ABCB1: variants seen among roughly 807,000 people sequenced by gnomAD.
The protein encoded by ABCB1 is ATP-dependent translocase ABCB1.
Under a neutral mutation model 142.0 loss-of-function variants are expected in ABCB1, and 69 were observed. The observed-to-expected ratio is 0.49, with a 90% CI of 0.40 to 0.59. ABCB1 has a LOEUF of 0.59. Among genes scored for constraint, ABCB1 ranks in the 20% least tolerant of loss-of-function variants. The pLI is 0.00. For missense variants in ABCB1, 1,326 were observed against 1,554.7 expected, an observed-to-expected ratio of 0.85 and a Z score of 2.47; for synonymous variants, 532 against 539.2, an observed-to-expected ratio of 0.99 and a Z score of 0.18.
Position 87,679,029 on chromosome 7 carries a change from A to G in ABCB1, c.-331+34132T>C, listed in dbSNP as rs546801118. Among the ~76,000 whole-genome samples the G allele has an allele frequency of 1.4e-4, 19 of 137,746 alleles. 3 individuals are homozygous for G. The highest frequency in any genetic ancestry group is 3.4e-4 in the African/African-American group (12 of 35,012). The allele number at this position is 137,746 out of a possible 152,430, so 90.4% of individuals were successfully genotyped here. A position where few individuals can be genotyped will look rare whatever the true frequency, so the allele number is the denominator to read the frequency against. ...AGATCAAGTAAACAGAAAATTAGTA[A>G]GGGTACAAATGATCTTGGCAATATT... On this transcript the variant is annotated intron_variant, in intron 1 of 28. Transcript: ENST00000265724.
intron 1 of ABCB1, among the ~76,000 whole-genome samples, chr7:87,648,436 C>T (rs1823246009): frequency 6.6e-6 from 1 of 150,688 alleles, no homozygotes; most frequent in Non-Finnish European, 1.5e-5. Context: ...GAACACTTCA[C>T]ATTAAAGGGC....
chr7:87,615,079 C>A (rs553497475), intron 1 of ABCB1, among the ~76,000 whole-genome samples: 2 of 152,042 alleles, frequency 1.3e-5, no homozygotes, highest in Admixed American at 6.6e-5. Context: ...TCTCCTGACC[C>A]GCCCGCCTCG....
intron 1 of ABCB1, among the ~76,000 whole-genome samples, chr7:87,706,063 T>C (rs1829556584): frequency 6.6e-6 from 1 of 152,206 alleles, no homozygotes; most frequent in Admixed American, 6.5e-5. Context: ...AGATTTGGCT[T>C]TCTTAGGTTT....
At chr7:87,699,100 C>T (rs1292618423) in intron 1 of ABCB1, among the ~76,000 whole-genome samples, 2 of 152,054 alleles carry the variant, frequency 1.3e-5, no homozygotes, top group African/African-American at 4.8e-5. Context: ...GGTTTGGAAC[C>T]ACTCAGATAT....
intron 21 of ABCB1, among the ~76,000 whole-genome samples, chr7:87,530,790 A>AAAGAAAGC (rs202065141): frequency 0.05 from 5,855 of 117,762 alleles, 583 homozygotes; most frequent in East Asian, 0.076. Flanking sequence ...GAAAGAAAAG[A>AAAGAAAGC]AAGAAAGCAA....
At chr7:87,519,522 G>C (rs1225969541) in intron 22 of ABCB1, 56 bp from the exon 23 acceptor site, 2 of 1,610,070 alleles carry the variant, frequency 1.2e-6, no homozygotes, top group African/African-American at 2.7e-5. Flanking sequence ...TCCTTAAAAT[G>C]TAACTTTTGA....
At chr7:87,580,419 GA>G (rs1188361669) in intron 4 of ABCB1, among the ~76,000 whole-genome samples, 1 of 152,142 alleles carries the variant, frequency 6.6e-6, no homozygotes, top group African/African-American at 2.4e-5. Context: ...TCTGCTTCCA[GA>G]CATGTTGGAG....
At chr7:87,574,565 G>A (rs1818196616) in intron 4 of ABCB1, among the ~76,000 whole-genome samples, 1 of 152,134 alleles carries the variant, frequency 6.6e-6, no homozygotes, top group Non-Finnish European at 1.5e-5. Context: ...GCTCACTTCT[G>A]TGTAGCCCTG....
intron 3 of ABCB1, among the ~76,000 whole-genome samples, chr7:87,595,483 A>G (rs962879803): frequency 1.6e-4 from 25 of 152,106 alleles, no homozygotes; most frequent in Non-Finnish European, 3.5e-4. Context: ...GGTTTCCTCT[A>G]TGCAGATGGG....
chr7:87,574,438 T>C (rs1457092571), intron 4 of ABCB1, among the ~76,000 whole-genome samples: 1 of 152,190 alleles, frequency 6.6e-6, no homozygotes, highest in Non-Finnish European at 1.5e-5. Context: ...AATTATGTTA[T>C]ACAAAATAAA....
At chr7:87,647,734 C>T (rs568906459) in intron 1 of ABCB1, among the ~76,000 whole-genome samples, 1 of 152,252 alleles carries the variant, frequency 6.6e-6, no homozygotes, top group South Asian at 2.1e-4. Flanking sequence ...CTTTAGTCCA[C>T]AAACCATTAC....
intron 7 of ABCB1, 66 bp from the exon 8 acceptor site, chr7:87,561,453 A>T: frequency 6.9e-7 from 1 of 1,453,638 alleles, no homozygotes; most frequent in South Asian, 1.2e-5. Flanking sequence ...TAAAGTAAAA[A>T]TAAATGTATA....
chr7:87,652,621 G>GAGATATATATATATATATAT lies in ABCB1; in HGVS notation c.-330-51544_-330-51543insATATATATATATATATATCT, dbSNP rs374832268. On this transcript the variant is annotated intron_variant, in intron 1 of 28. Coordinates refer to the ABCB1 transcript ENST00000265724. ...CTGTCAGTTGACTCTTGTGGTCACT[G>GAGATATATATATATATATAT]ATATATATATATATATATATATATA... Among the ~76,000 whole-genome samples the GAGATATATATATATATATAT allele has an allele frequency of 3.7e-3, 459 of 125,260 alleles. 4 individuals carry two copies. Among genetic ancestry groups the GAGATATATATATATATATAT allele is most frequent in the African/African-American group, 0.015 (433 of 29,002 alleles). The allele number at this position is 125,260 out of a possible 152,430, so 82.2% of individuals were successfully genotyped here.
At chr7:87,625,096 A>T (rs1399799183) in intron 1 of ABCB1, among the ~76,000 whole-genome samples, 1 of 152,106 alleles carries the variant, frequency 6.6e-6, no homozygotes, top group Non-Finnish European at 1.5e-5. Flanking sequence ...CTCTACTAAA[A>T]ATACAAAAAA....
chr7:87,693,591 C>T (rs1337495747), intron 1 of ABCB1, among the ~76,000 whole-genome samples: 2 of 152,086 alleles, frequency 1.3e-5, no homozygotes, highest in East Asian at 3.8e-4. Flanking sequence ...GTCTATTCTA[C>T]TCATCAGTTT....
intron 17 of ABCB1, 57 bp downstream of exon 17, chr7:87,544,072 C>G (rs768860857): frequency 1.3e-6 from 2 of 1,597,422 alleles, no homozygotes; most frequent in Non-Finnish European, 1.7e-6. Flanking sequence ...GCACTTTATT[C>G]GTTCATTCTT....
At chr7:87,514,200 A>C (rs1815134703) in intron 25 of ABCB1, among the ~76,000 whole-genome samples, 2 of 152,232 alleles carry the variant, frequency 1.3e-5, no homozygotes, top group Admixed American at 6.5e-5. Context: ...GCGTCCATAC[A>C]CAGCGGGTGG....
At chr7:87,572,318 C>T (rs1039187554) in intron 4 of ABCB1, among the ~76,000 whole-genome samples, 1 of 152,010 alleles carries the variant, frequency 6.6e-6, no homozygotes, top group African/African-American at 2.4e-5. Flanking sequence ...GATAAGAAAC[C>T]AAGATAATTT....
At chr7:87,645,015 C>T (rs1486226065) in intron 1 of ABCB1, among the ~76,000 whole-genome samples, 3 of 150,270 alleles carry the variant, frequency 2.0e-5, no homozygotes, top group Non-Finnish European at 4.4e-5. Context: ...GCTATGATGA[C>T]AAAGGGAAAA....
Sources: gnomAD v4.1 joint callset for allele counts (sites outside exome capture counted in the v4.1 genomes callset) on GRCh38, gnomAD v4.1.1 for gene constraint, MANE v1.5 for transcripts, NCBI Gene and HGNC (gene_info 2026-07-23, HGNC 2026-07-21) for gene names.